Variants in SPAST observed in about 807,000 individuals in gnomAD.
SPAST encodes spastin, also known as spastic paraplegia 4 (autosomal dominant; spastin).
Under a neutral mutation model 76.6 loss-of-function variants are expected in SPAST, and 30 were observed. The ratio of observed to expected loss-of-function variants is 0.39; its 90% CI spans 0.29 to 0.53. SPAST has a LOEUF of 0.53. Ranked by LOEUF, SPAST falls within the 20% of genes least tolerant of loss-of-function variation. The pLI, the probability that SPAST is intolerant of heterozygous loss-of-function variation, is 0.68. For missense variants in SPAST, 717 were observed against 770.5 expected (o/e 0.93, Z 0.82); for synonymous variants, 305 against 281.0 (o/e 1.09, Z -0.86).
At chr2:32,066,815 A>T (rs1676530072) in intron 1 of SPAST, among the ~76,000 whole-genome samples, 1 of 151,946 alleles carries the variant, frequency 6.6e-6, no homozygotes, top group Admixed American at 6.6e-5. Context: ...CTTTGTGAAA[A>T]ATACAAAGAT....
chr2:32,083,763 TATATATATATATA>T (rs1677351943), intron 1 of SPAST, among the ~76,000 whole-genome samples: 2 of 96,178 alleles, frequency 2.1e-5, no homozygotes, highest in African/African-American at 4.4e-5. Flanking sequence ...TATATATATA[TATATATATATATA>T]TTTTTTTTTT....
chr2:32,154,648 A>T lies in SPAST; in HGVS notation c.*152A>T, dbSNP rs1680196401. ...CACCAAACTTGAAGATGAACCAGAA[A>T]ACAGACTTAAACAAAATATACAATG... On this transcript the variant is annotated 3_prime_UTR_variant, in exon 17 of 17. Transcript: ENST00000315285. 1.3e-6 allele frequency: 1 copy of T among 740,846 alleles called. No homozygotes were observed. 45.9% of individuals were successfully genotyped at this position (740,846 alleles called of 1,614,324 possible).
At chr2:32,084,887 CAAAAAAAAA>C (rs34046587) in intron 1 of SPAST, among the ~76,000 whole-genome samples, 25 of 81,570 alleles carry the variant, frequency 3.1e-4, no homozygotes, top group Non-Finnish European at 5.3e-4. Context: ...GACTCCGTCT[CAAAAAAAAA>C]AAAAAAAAAA....
chr2:32,144,382 C>T (rs545412728), intron 14 of SPAST, among the ~76,000 whole-genome samples: 1 of 152,266 alleles, frequency 6.6e-6, no homozygotes, highest in East Asian at 1.9e-4. Context: ...GACATGTTTA[C>T]AATTTAATGA....
intron 1 of SPAST, among the ~76,000 whole-genome samples, chr2:32,075,303 G>A (rs1243214864): frequency 6.6e-6 from 1 of 151,088 alleles, no homozygotes; most frequent in Non-Finnish European, 1.5e-5. Context: ...GTGGGCGCCT[G>A]TAATCCCAGC....
chr2:32,094,006 T>C (rs1677828757), intron 3 of SPAST, among the ~76,000 whole-genome samples: 1 of 152,210 alleles, frequency 6.6e-6, no homozygotes, highest in South Asian at 2.1e-4. Context: ...CCAGTCAGTA[T>C]TAGGAATTCC....
chr2:32,108,186 A>G (rs1558317667), intron 4 of SPAST, among the ~76,000 whole-genome samples: 1 of 152,320 alleles, frequency 6.6e-6, no homozygotes, highest in South Asian at 2.1e-4. Flanking sequence ...ATCTAAGTAG[A>G]TGATATAAAC....
At chr2:32,102,478 T>A (rs1678162893) in intron 4 of SPAST, among the ~76,000 whole-genome samples, 1 of 141,538 alleles carries the variant, frequency 7.1e-6, no homozygotes, top group Non-Finnish European at 1.5e-5. Context: ...TCCTGCCTGA[T>A]TGCCCTGGCC....
chr2:32,083,765 TATATATATATA>T (rs1677353217), intron 1 of SPAST, among the ~76,000 whole-genome samples: 13 of 97,984 alleles, frequency 1.3e-4, no homozygotes, highest in South Asian at 3.8e-4. Context: ...TATATATATA[TATATATATATA>T]TTTTTTTTTT....
intron 3 of SPAST, among the ~76,000 whole-genome samples, chr2:32,093,649 A>G (rs1177321185): frequency 2.6e-5 from 4 of 152,120 alleles, no homozygotes; most frequent in Admixed American, 2.6e-4. Context: ...TATAAACTCT[A>G]TGGAGGAGGG....
chr2:32,120,055 G>A (rs369682648), intron 7 of SPAST, among the ~76,000 whole-genome samples: 12 of 149,146 alleles, frequency 8.0e-5, no homozygotes, highest in African/African-American at 2.5e-4. Flanking sequence ...AGACAGTCTC[G>A]CTGTGTTCTC....
chr2:32,071,793 A>G, intron 1 of SPAST, among the ~76,000 whole-genome samples: 1 of 152,218 alleles, frequency 6.6e-6, no homozygotes. Context: ...GTAGCTACCA[A>G]GGTTTTTATT....
chr2:32,151,757 A>C (rs1680092561), intron 16 of SPAST, among the ~76,000 whole-genome samples: 1 of 152,088 alleles, frequency 6.6e-6, no homozygotes, highest in Non-Finnish European at 1.5e-5. Flanking sequence ...TAAAAATACA[A>C]AAATTAGCCG....
Position 32,118,946 on chromosome 2 carries a change from T to G in SPAST, c.1098+2734T>G, listed in dbSNP as rs559817689. Among the ~76,000 whole-genome samples the G allele has an allele frequency of 5.4e-4, 83 of 152,302 alleles. 2 individuals are homozygous for G. The highest frequency in any genetic ancestry group is 5.4e-3 in the Admixed American group (83 of 15,298). On this transcript the variant is annotated intron_variant, in intron 7 of 16. Transcript: ENST00000315285. ...ACATGTGAATTTGAATTTAGGCATA[T>G]TTTCATGGTAGTGACATAATGTGCA...
chr2:32,066,435 C>T (rs955842973), intron 1 of SPAST, among the ~76,000 whole-genome samples: 8 of 151,574 alleles, frequency 5.3e-5, no homozygotes, highest in Non-Finnish European at 8.8e-5. Context: ...TTTGGGAGGC[C>T]GGGGCGGGTG....
chr2:32,083,768 A>T (rs1303488541), intron 1 of SPAST, among the ~76,000 whole-genome samples: 807 of 51,394 alleles, frequency 0.016, 24 homozygotes, highest in African/African-American at 0.03. Flanking sequence ...ATATATATAT[A>T]TATATATATT....
rs745422831 is a variant in SPAST at position 32,114,709 on chromosome 2, G to A, written c.754G>A (p.Val252Ile). ...TSNSLPRSKT[V>I]MKTGSAGLSG... is the part of the protein sequence containing the mutation. Reference sequence around the variant, plus strand: ...TAATTCACTGCCTCGTTCAAAAACAGTTATGAAAACTGGATCTGCAGGCCT... The same window carrying A: ...TAATTCACTGCCTCGTTCAAAAACAATTATGAAAACTGGATCTGCAGGCCT... Residue 252 changes from valine to isoleucine, a missense_variant, in exon 5 of 17, where the codon GTT becomes ATT. Around this residue, in one of 3 missense-constraint regions of SPAST, gnomAD observed 543 missense variants for 445.2 expected, o/e 1.22. Coordinates refer to ENST00000315285, the MANE Select transcript of SPAST (RefSeq NM_014946.4). 2 of 1,614,074 alleles carry A rather than the reference G, an allele frequency of 1.2e-6. No homozygotes were observed. Among genetic ancestry groups the A allele is most frequent in the East Asian group, 4.5e-5 (2 of 44,872 alleles).
At chr2:32,071,418 T>C (rs1481130912) in intron 1 of SPAST, among the ~76,000 whole-genome samples, 3 of 152,238 alleles carry the variant, frequency 2.0e-5, no homozygotes, top group Non-Finnish European at 4.4e-5. Context: ...TATATGTGCA[T>C]GTGTGTATTT....
Position 32,064,041 on chromosome 2 carries a change from C to T in SPAST, c.210C>T (p.His70=), listed in dbSNP as rs758274040. The T allele has an allele frequency of 6.2e-7, 1 of 1,613,358 alleles. No individual in the cohort carries two copies. ...CGCTGCTGCGTTTGGTCGCCTTCCA[C>T]CTGGGGCTCCTCTTCGTGTGGCTCT... The part of the protein sequence containing the change: ...GFALLRLVAF[H]LGLLFVWLCQ... Residue 70 remains histidine (H), a synonymous_variant, in exon 1 of 17, where the codon CAC becomes CAT. Coordinates refer to ENST00000315285, the MANE Select transcript of SPAST (RefSeq NM_014946.4).
Sources: allele counts gnomAD v4.1 joint callset (sites outside exome capture counted in the v4.1 genomes callset), GRCh38; gene constraint gnomAD v4.1.1; regional missense constraint gnomAD v4.1.1; transcripts MANE v1.5; gene names NCBI Gene and HGNC (gene_info 2026-07-23, HGNC 2026-07-21).